The following UNC13C variants were observed in gnomAD, a reference collection of about 807,000 sequenced individuals.
UNC13C encodes unc-13 homolog C, also known as protein unc-13 homolog C.
UNC13C carries 174 observed loss-of-function variants against 245.4 expected under a neutral mutation model. The ratio of observed to expected loss-of-function variants is 0.71; its 90% CI spans 0.63 to 0.80. The LOEUF (loss-of-function observed/expected upper bound fraction) is 0.80. UNC13C is among the 30% of genes least tolerant of loss of function. The probability of loss-of-function intolerance (pLI) is 0.00; values close to 1 mark genes in which losing one functional copy is unlikely to be tolerated. For missense variants in UNC13C, 2,829 were observed against 2,602.9 expected, an observed-to-expected ratio of 1.09 and a Z score of -1.89; for synonymous variants, 992 against 895.1, an observed-to-expected ratio of 1.11 and a Z score of -1.93.
In UNC13C at chr15:54,435,882, GAAA is replaced by G. The variant is rs552921392; in HGVS notation, c.4933+20821_4933+20823del. Among the ~76,000 whole-genome samples, 209 of 150,808 alleles carry G rather than the reference GAAA, an allele frequency of 1.4e-3. 2 individuals are homozygous for G. Among genetic ancestry groups the G allele is most frequent in the African/African-American group, 4.7e-3 (194 of 41,124 alleles). On this transcript the variant is annotated intron_variant, in intron 19 of 32. Coordinates refer to ENST00000260323, the MANE Select transcript of UNC13C (RefSeq NM_001080534.3). ...ACAAGGAACTTAAATAAATGTACAAGAAAAAAAACAAAACAAAACAAAAATCAA... is the reference window on the plus strand; with the variant it reads ...ACAAGGAACTTAAATAAATGTACAAGAAAAACAAAACAAAACAAAAATCAA...
intron 17 of UNC13C, among the ~76,000 whole-genome samples, chr15:54,348,699 A>T: frequency 6.6e-6 from 1 of 152,268 alleles, no homozygotes. Flanking sequence ...TTTTAACCCA[A>T]AAAGTTGATT....
chr15:54,212,811 G>A (rs974036563), intron 4 of UNC13C, among the ~76,000 whole-genome samples: 2 of 152,034 alleles, frequency 1.3e-5, no homozygotes, highest in African/African-American at 2.4e-5. Flanking sequence ...TTACCTTTTG[G>A]TTGGGTGTCT....
chr15:54,443,241 G>A, intron 19 of UNC13C, among the ~76,000 whole-genome samples: 1 of 151,994 alleles, frequency 6.6e-6, no homozygotes, highest in Non-Finnish European at 1.5e-5. Context: ...TTACATTTCT[G>A]TAGTATCAGT....
chr15:54,163,051 C>T (rs1358430353), intron 4 of UNC13C, among the ~76,000 whole-genome samples: 2 of 152,144 alleles, frequency 1.3e-5, no homozygotes, highest in Non-Finnish European at 2.9e-5. Flanking sequence ...AAGATGTCCG[C>T]ATCCTAATTC....
chr15:54,388,926 C>G (rs1270079782), intron 17 of UNC13C, among the ~76,000 whole-genome samples: 1 of 151,968 alleles, frequency 6.6e-6, no homozygotes, highest in Non-Finnish European at 1.5e-5. Flanking sequence ...TCTTTCTCAC[C>G]CATTAGTCAA....
intron 1 of UNC13C, among the ~76,000 whole-genome samples, chr15:53,995,877 C>G (rs1014134291): frequency 5.9e-5 from 9 of 152,042 alleles, no homozygotes; most frequent in Admixed American, 1.3e-4. Flanking sequence ...TGAAAGGACT[C>G]GTGGAGAAGT....
At chr15:54,533,389 C>T (rs993855664) in intron 26 of UNC13C, among the ~76,000 whole-genome samples, 7 of 152,086 alleles carry the variant, frequency 4.6e-5, no homozygotes, top group Admixed American at 3.9e-4. Flanking sequence ...GTTTTCAATC[C>T]TCCTGGACAT....
intron 1 of UNC13C, among the ~76,000 whole-genome samples, chr15:54,009,532 T>TTTC (rs200168326): frequency 6.7e-5 from 10 of 149,594 alleles, no homozygotes; most frequent in African/African-American, 2.5e-4. Context: ...GGAAAGTAAT[T>TTTC]TTCTTCTTCT....
Position 54,528,229 on chromosome 15 carries a change from T to A in UNC13C, c.5546+2592T>A, listed in dbSNP as rs530320930. Among the ~76,000 whole-genome samples, 15 of 152,122 alleles carry A rather than the reference T, an allele frequency of 9.9e-5. No homozygotes were observed. In the South Asian group the frequency reaches 2.9e-3, roughly 30 times the overall value. On this transcript the variant is annotated intron_variant, in intron 25 of 32. Transcript: ENST00000260323. ...AGACTAAGTGATATAACCTCAACAA[T>A]AACTTGAAGATGGTCTTAAAACTTT...
At chr15:54,632,983 T>C (rs887345670), downstream of UNC13C, 16 of 152,180 alleles carry the variant, frequency 1.1e-4, no homozygotes, top group African/African-American at 3.9e-4. Context: ...CTAACCAACA[T>C]GGAGAAACCC....
chr15:54,129,889 T>C (rs1297182864), intron 2 of UNC13C, among the ~76,000 whole-genome samples: 1 of 97,282 alleles, frequency 1.0e-5, no homozygotes, highest in Non-Finnish European at 2.2e-5. Flanking sequence ...GTTATTGTCT[T>C]TTTTTTTGTA....
In UNC13C at chr15:54,209,527, C is replaced by G. The variant is rs150093378; in HGVS notation, c.3072-25503C>G. 4.2e-3 allele frequency among the ~76,000 whole-genome samples: 643 copies of G among 152,152 alleles called. 8 individuals carry two copies. The highest frequency in any genetic ancestry group is 0.015 in the African/African-American group (625 of 41,540). ...ACCCAGGCTCAGATGATCCTCCCTC[C>G]TCAATCTCCTGAATAGCTGGACTAC... On this transcript the variant is annotated intron_variant, in intron 4 of 32. Coordinates refer to ENST00000260323, the MANE Select transcript of UNC13C (RefSeq NM_001080534.3).
intron 2 of UNC13C, among the ~76,000 whole-genome samples, chr15:54,138,975 T>TG (rs2031877720): frequency 7.4e-6 from 1 of 135,224 alleles, no homozygotes; most frequent in Non-Finnish European, 1.6e-5. Context: ...TTTTTTTTTT[T>TG]TTTGAGACGG....
intron 18 of UNC13C, among the ~76,000 whole-genome samples, chr15:54,397,606 A>G (rs140710516): frequency 2.0e-5 from 3 of 151,472 alleles, no homozygotes; most frequent in Admixed American, 6.6e-5. Flanking sequence ...AAATATATAA[A>G]TCTATTGGGG....
intron 2 of UNC13C, among the ~76,000 whole-genome samples, chr15:54,029,631 CATT>C (rs1896271872): frequency 6.6e-6 from 1 of 152,128 alleles, no homozygotes; most frequent in African/African-American, 2.4e-5. Flanking sequence ...ATTACCTATT[CATT>C]ATTATTAGTA....
intron 19 of UNC13C, among the ~76,000 whole-genome samples, chr15:54,448,543 G>A (rs866658346): frequency 5.9e-5 from 9 of 151,822 alleles, no homozygotes; most frequent in East Asian, 1.9e-4. Context: ...CTTCTTTGTC[G>A]CTTTTGATCT....
intron 19 of UNC13C, among the ~76,000 whole-genome samples, chr15:54,463,265 C>CGGGGGGGGGGGGGGGG (rs559539986): frequency 3.8e-5 from 1 of 26,208 alleles, no homozygotes; most frequent in Non-Finnish European, 5.9e-5. Context: ...AGAATGTGGG[C>CGGGGGGGGGGGGGGGG]GGGGGGGGGG....
intron 20 of UNC13C, among the ~76,000 whole-genome samples, chr15:54,495,926 T>C (rs1009978930): frequency 6.6e-6 from 1 of 151,878 alleles, no homozygotes; most frequent in Non-Finnish European, 1.5e-5. Flanking sequence ...CTATGGGGTA[T>C]AGGGTGTTGG....
intron 4 of UNC13C, among the ~76,000 whole-genome samples, chr15:54,215,436 G>A (rs1358005148): frequency 6.6e-6 from 1 of 151,876 alleles, no homozygotes; most frequent in Non-Finnish European, 1.5e-5. Context: ...TTAAAAAATG[G>A]CATTAGCTTT....
Sources: allele counts gnomAD v4.1 joint callset (sites outside exome capture counted in the v4.1 genomes callset), GRCh38; gene constraint gnomAD v4.1.1; transcripts MANE v1.5; gene names NCBI Gene and HGNC (gene_info 2026-07-23, HGNC 2026-07-21).